The following MXRA8 variants were observed in gnomAD, a reference collection of about 807,000 sequenced individuals.
MXRA8 encodes matrix remodeling-associated protein 8.
Under a neutral mutation model 51.4 loss-of-function variants are expected in MXRA8, and 44 were observed. The observed-to-expected ratio is 0.86, with a 90% CI of 0.67 to 1.10. MXRA8 has a LOEUF of 1.10. Among genes scored for constraint, MXRA8 ranks in the 50% least tolerant of loss-of-function variants. The pLI, the probability that MXRA8 is intolerant of heterozygous loss-of-function variation, is 0.00. For synonymous variants in MXRA8, 369 were observed against 293.5 expected, an observed-to-expected ratio of 1.26 and a Z score of -2.63; for missense variants, 765 against 638.9, an observed-to-expected ratio of 1.20 and a Z score of -2.13.
chr1:1,354,599 C>G, intron 5 of MXRA8, 83 bp downstream of exon 5: 1 of 1,554,900 alleles, frequency 6.4e-7, no homozygotes, highest in Non-Finnish European at 8.7e-7. Context: ...ATCCGCGGGC[C>G]TCGGGCAAGG....
chr1:1,361,012 A>G (rs1644215447), upstream of MXRA8, among the ~76,000 whole-genome samples: 1 of 151,386 alleles, frequency 6.6e-6, no homozygotes, highest in East Asian at 1.9e-4. Context: ...ACGCGAAGAC[A>G]CAGACACATA....
At chr1:1,361,197 G>C (rs920450209), upstream of MXRA8, 15 of 702,958 alleles carry the variant, frequency 2.1e-5, no homozygotes, top group South Asian at 5.9e-5. Context: ...CAGAAACAGA[G>C]ACACACACAG....
At chr1:1,357,205 G>A (rs1009240578) in intron 1 of MXRA8, among the ~76,000 whole-genome samples, 13 of 152,194 alleles carry the variant, frequency 8.5e-5, no homozygotes, top group Non-Finnish European at 1.8e-4. Context: ...CCCGGCTGCC[G>A]CCCCACAGGC....
chr1:1,353,354 G>T lies in MXRA8; in HGVS notation c.*250C>A. On this transcript the variant is annotated 3_prime_UTR_variant, in exon 10 of 10. Transcript: ENST00000309212. ...GGGTCTGAGGGCATGATGGGCATCA[G>T]TGGGATTTTGGTTGTGCCAGGGGTG... 1 of 1,548,556 alleles carries T rather than the reference G, an allele frequency of 6.5e-7. No individual in the cohort carries two copies. The highest frequency in any genetic ancestry group is 8.7e-7 in the Non-Finnish European group (1 of 1,145,990).
chr1:1,354,916 G>C lies in MXRA8; in HGVS notation c.715C>G (p.Leu239Val), dbSNP rs373508903. ...GERRAYGPLF[L>V]RDRVAVGADA... Reference sequence around the variant, plus strand: ...GCGCCCACAGCCACGCGGTCGCGCAGAAAAAGGGGCCCGTAGGCGCGGCGC... The same window carrying C: ...GCGCCCACAGCCACGCGGTCGCGCACAAAAAGGGGCCCGTAGGCGCGGCGC... Residue 239 changes from leucine (L) to valine (V), a missense_variant, in exon 5 of 10, where the codon CTG becomes GTG. Transcript: ENST00000309212. The C allele has an allele frequency of 1.2e-6, 2 of 1,609,022 alleles. No homozygotes were observed. Among genetic ancestry groups the C allele is most frequent in the East Asian group, 4.5e-5 (2 of 44,772 alleles).
rs771548554 is a variant in MXRA8, at chr1:1,355,430, C to T, written c.376+20G>A. The T allele has an allele frequency of 2.7e-6, 4 of 1,481,728 alleles. No homozygotes were observed. Among genetic ancestry groups the T allele is most frequent in the Non-Finnish European group, 3.6e-6 (4 of 1,124,872 alleles). 91.8% of individuals were successfully genotyped at this position (1,481,728 alleles called of 1,614,324 possible). On this transcript the variant is annotated intron_variant, in intron 3 of 9. Transcript: ENST00000309212. ...GGACCCCTGCCCCGACCCCGCGGCC[C>T]CGGTCCCCGGTCCCCGCACCGCGGA...
chr1:1,359,053 C>T (rs929730135), upstream of MXRA8: 1 of 985,490 alleles, frequency 1.0e-6, no homozygotes, highest in Non-Finnish European at 1.2e-6. Context: ...ACCCTTGGCC[C>T]TGCATGACCT....
Position 1,355,085 on chromosome 1 carries a change from C to T in MXRA8, c.546G>A (p.Ala182=), listed in dbSNP as rs746032824. The change falls in exon 5 of 10, where the codon GCG becomes GCA. Residue 182 remains alanine (A), a synonymous_variant. Coordinates refer to ENST00000309212, the MANE Select transcript of MXRA8 (RefSeq NM_032348.4). ...GCCCGCGGTTCACGCAGGTCAGAAG[C>T]GCGGGTGCGCCGCGCGCCACCGCCA... ...EVLAVARGAP[A]LLTCVNRGHV... is the part of the protein sequence containing the mutation. 1.7e-5 allele frequency: 27 copies of T among 1,557,756 alleles called. No individual in the cohort carries two copies. Among genetic ancestry groups the T allele is most frequent in the Non-Finnish European group, 2.2e-5 (25 of 1,160,978 alleles).
chr1:1,359,946 C>T (rs997765535), upstream of MXRA8, among the ~76,000 whole-genome samples: 1 of 152,226 alleles, frequency 6.6e-6, no homozygotes, highest in Admixed American at 6.5e-5. Context: ...CCCGCCCGCC[C>T]ATGTCTGTCT....
rs759796732 is a variant in MXRA8, at chr1:1,355,323, C to A, written c.399G>T (p.Gly133=). The A allele has an allele frequency of 1.1e-5, 18 of 1,578,108 alleles. No individual in the cohort carries two copies. The highest frequency in any genetic ancestry group is 1.5e-5 in the Non-Finnish European group (18 of 1,165,748). ...LIRAVEETDA[G]LYTCNLHHHY... ...GATGGTGCAGGTTGCAGGTGTACAG[C>A]CCCGCGTCCGTCTCCTCCACCGCTG... Residue 133 remains glycine, a synonymous_variant, in exon 4 of 10, where the codon GGG becomes GGT. Coordinates refer to ENST00000309212, the MANE Select transcript of MXRA8 (RefSeq NM_032348.4).
At position 1,353,085 on chromosome 1, in the gene MXRA8, A is replaced by T. The variant is rs953882336; in HGVS notation, c.*519T>A. 3.2e-6 allele frequency: 2 copies of T among 634,344 alleles called. No homozygotes were observed. Among genetic ancestry groups the T allele is most frequent in the Non-Finnish European group, 5.6e-6 (2 of 354,548 alleles). 39.3% of individuals were successfully genotyped at this position (634,344 alleles called of 1,614,324 possible). On this transcript the variant is annotated 3_prime_UTR_variant, in exon 10 of 10. Coordinates refer to ENST00000309212, the MANE Select transcript of MXRA8 (RefSeq NM_032348.4). ...TCCCACATGGTGGTACAGGTGGGGG[A>T]GCTCTCGGTGGCAGGCAGCACCCCA...
chr1:1,356,908 G>A (rs1204550832), intron 1 of MXRA8, among the ~76,000 whole-genome samples: 1 of 152,138 alleles, frequency 6.6e-6, no homozygotes, highest in Admixed American at 6.5e-5. Context: ...GCCCTTGAGT[G>A]GGGAAGCCAG....
chr1:1,360,502 G>GGGGGCAGGC (rs564906656), upstream of MXRA8, among the ~76,000 whole-genome samples: 12 of 146,328 alleles, frequency 8.2e-5, no homozygotes, highest in Admixed American at 6.9e-4. Flanking sequence ...CTGCTCGCTG[G>GGGGGCAGGC]GGGGTGGTCT....
In MXRA8 at chr1:1,355,589, G is replaced by T. The variant is rs1266792078; in HGVS notation, c.237C>A (p.Gly79=). The T allele has an allele frequency of 1.1e-5, 16 of 1,478,214 alleles. No individual in the cohort carries two copies. The highest frequency in any genetic ancestry group is 9.8e-6 in the Non-Finnish European group (11 of 1,122,022). 91.6% of individuals were successfully genotyped at this position (1,478,214 alleles called of 1,614,324 possible). A position where few individuals can be genotyped will look rare whatever the true frequency, so the allele number is the denominator to read the frequency against. ...GGCGCCGCGCGGGGCCACCCCCGGG[G>T]CCGCGCAGGTCCCAGTGGAGCACGC... is the stretch of plus-strand genomic sequence containing the variant. ...RQRVLHWDLR[G]PGGGPARRLL... The change falls in exon 3 of 10, where the codon GGC becomes GGA. Residue 79 remains glycine (G), a synonymous_variant. Transcript: ENST00000309212.
chr1:1,362,924 A>G (rs1178460296), upstream of MXRA8, among the ~76,000 whole-genome samples: 1 of 151,108 alleles, frequency 6.6e-6, no homozygotes, highest in Non-Finnish European at 1.5e-5. Flanking sequence ...TCTACTAAAA[A>G]TACAAAAAAT....
At chr1:1,360,963 GAC>G (rs374285307), upstream of MXRA8, among the ~76,000 whole-genome samples, 1,831 of 134,804 alleles carry the variant, frequency 0.014, 27 homozygotes, top group African/African-American at 0.043. Context: ...AAGACACGGA[GAC>G]ACACAGAGAT....
intron 1 of MXRA8, 62 bp from the exon 2 acceptor site, chr1:1,356,766 C>A: frequency 1.5e-6 from 2 of 1,317,738 alleles, no homozygotes; most frequent in African/African-American, 1.5e-5. Context: ...CGAGACCCCC[C>A]ACTTGGCCCC....
intron 1 of MXRA8, among the ~76,000 whole-genome samples, chr1:1,357,097 C>T (rs1214052189): frequency 1.3e-5 from 2 of 152,178 alleles, no homozygotes; most frequent in East Asian, 3.9e-4. Flanking sequence ...TCCTTGGACC[C>T]TCAGACGCTG....
chr1:1,361,148 A>C (rs182108926), upstream of MXRA8: 28 of 696,316 alleles, frequency 4.0e-5, no homozygotes, highest in African/African-American at 5.0e-4. Context: ...CACAGAGAAG[A>C]TACACGGAAA....
Sources: gnomAD v4.1 joint callset for allele counts (sites outside exome capture counted in the v4.1 genomes callset) on GRCh38, gnomAD v4.1.1 for gene constraint, MANE v1.5 for transcripts, NCBI Gene and HGNC (gene_info 2026-07-23, HGNC 2026-07-21) for gene names.